Variants in MYO7B observed in about 807,000 individuals in gnomAD.
MYO7B encodes the protein unconventional myosin-VIIb.
MYO7B carries 212 observed loss-of-function variants against 259.7 expected under a neutral mutation model. That is an observed-to-expected ratio of 0.82 (90% confidence interval 0.73 to 0.91). The LOEUF (loss-of-function observed/expected upper bound fraction) is 0.91. Ranked by LOEUF, MYO7B falls within the 40% of genes least tolerant of loss-of-function variation. The pLI is 0.00. For missense variants in MYO7B, 2,732 were observed against 2,813.5 expected (o/e 0.97, Z 0.66); for synonymous variants, 1,197 against 1,166.4 (o/e 1.03, Z -0.54).
chr2:127,628,315 G>T lies in MYO7B; in HGVS notation c.4461-57G>T. On this transcript the variant is annotated intron_variant, in intron 33 of 47. Transcript: ENST00000409816. This position sits in a 1 kb window ranked among gnomAD's most constrained non-coding sequence, Gnocchi z 4.8. ...AACCCCACCTCCCGAGGCTGTTTAG[G>T]GGCTGGATCAGGGGAAGGTGGAGGG... The T allele has an allele frequency of 6.4e-7, 1 of 1,552,860 alleles. No homozygotes were observed.
intron 40 of MYO7B, 80 bp downstream of exon 40, chr2:127,633,443 C>T: frequency 7.1e-7 from 1 of 1,402,298 alleles, no homozygotes. Context: ...GCCCAGCCTG[C>T]TCCTTGGTAA....
chr2:127,602,312 A>T, intron 19 of MYO7B, among the ~76,000 whole-genome samples: 1 of 152,198 alleles, frequency 6.6e-6, no homozygotes, highest in South Asian at 2.1e-4. Flanking sequence ...TCTCATATGT[A>T]ATACAATTTT....
rs1681810013 is a variant in MYO7B, at chr2:127,636,416, G to T, written c.6123+92G>T. 6.9e-7 allele frequency: 1 copy of T among 1,445,566 alleles called. No homozygotes were observed. The highest frequency in any genetic ancestry group is 1.8e-5 in the Admixed American group (1 of 55,076). 89.5% of individuals were successfully genotyped at this position (1,445,566 alleles called of 1,614,324 possible). A position where few individuals can be genotyped will look rare whatever the true frequency, so the allele number is the denominator to read the frequency against. The stretch of plus-strand genomic sequence containing the variant: ...CCAGCGTCAACCAGCACACATCTTG[G>T]GTGGGGCTGGCCGTGAGGCTGGAGG... On this transcript the variant is annotated intron_variant, in intron 45 of 47. Coordinates refer to ENST00000409816, the MANE Select transcript of MYO7B (RefSeq NM_001393586.1). The surrounding 1 kb of genome is among the most constrained non-coding windows in gnomAD (Gnocchi z 4.5).
Position 127,609,982 on chromosome 2 carries a change from G to A in MYO7B, c.3158G>A (p.Gly1053Asp), listed in dbSNP as rs777028808. The A allele has an allele frequency of 1.8e-5, 29 of 1,608,794 alleles. No individual in the cohort carries two copies. Among genetic ancestry groups the A allele is most frequent in the Non-Finnish European group, 1.4e-5 (17 of 1,177,816 alleles). Residue 1053 changes from glycine (G) to aspartate (D), a missense_variant, in exon 24 of 48, where the codon GGT (glycine) becomes GAT (aspartate). Coordinates refer to ENST00000409816, the MANE Select transcript of MYO7B (RefSeq NM_001393586.1). This position sits in a 1 kb window ranked among gnomAD's most constrained non-coding sequence, Gnocchi z 6.9. ...CATGACACGCTGGGCAGGGAGCACG[G>A]TGCCCAGGTTCCACAGCACAGTAGA... ...QIHDTLGREH[G>D]AQVPQHSRSA...
intron 31 of MYO7B, 149 bp downstream of exon 31, chr2:127,625,684 C>A: frequency 1.1e-6 from 1 of 918,484 alleles, no homozygotes; most frequent in Non-Finnish European, 1.5e-6. Context: ...AAGTAGAGCC[C>A]TGTCCCTTCA....
At position 127,633,296 on chromosome 2, in the gene MYO7B, T is replaced by TGGAGGC. The variant is rs1681622374; in HGVS notation, c.5445_5450dup (p.Glu1816_Ala1817dup). On this transcript the variant is annotated inframe_insertion, in exon 40 of 48. Coordinates refer to ENST00000409816, the MANE Select transcript of MYO7B (RefSeq NM_001393586.1). Reference sequence around the variant, plus strand: ...AAGCAGCCCCCGCACCAGGTGGAGGTGGAGGCCGCAGAGCAGAACGTCTCC... The same window carrying TGGAGGC: ...AAGCAGCCCCCGCACCAGGTGGAGGTGGAGGCGGAGGCCGCAGAGCAGAACGTCTCC... 1 of 1,612,332 alleles carries TGGAGGC rather than the reference T, an allele frequency of 6.2e-7. No homozygotes were observed. The highest frequency in any genetic ancestry group is 8.5e-7 in the Non-Finnish European group (1 of 1,179,680).
intron 34 of MYO7B, among the ~76,000 whole-genome samples, chr2:127,629,408 G>T (rs995042069): frequency 6.6e-6 from 1 of 152,172 alleles, no homozygotes; most frequent in Non-Finnish European, 1.5e-5. Context: ...GGCTAGGGCT[G>T]CAGTCAGAGC....
chr2:127,616,813 T>C (rs1335529327), intron 26 of MYO7B, among the ~76,000 whole-genome samples: 1 of 152,172 alleles, frequency 6.6e-6, no homozygotes, highest in Non-Finnish European at 1.5e-5. Context: ...CCCCTTCTCA[T>C]TTCCCGACAG....
In MYO7B at chr2:127,590,589, T is replaced by C. The variant is rs760532017; in HGVS notation, c.1992+360T>C. 8.5e-5 allele frequency among the ~76,000 whole-genome samples: 13 copies of C among 152,230 alleles called. No homozygotes were observed. The highest frequency in any genetic ancestry group is 1.3e-4 in the Non-Finnish European group (9 of 68,042). On this transcript the variant is annotated intron_variant, in intron 16 of 47. Coordinates refer to ENST00000409816, the MANE Select transcript of MYO7B (RefSeq NM_001393586.1). The surrounding 1 kb of genome is among the most constrained non-coding windows in gnomAD (Gnocchi z 4.6). ...CATGAGGTTTGCAGTACATGTCCCATATGTAAACCACACTCAACAAAGGCA... is the reference window on the plus strand; with the variant it reads ...CATGAGGTTTGCAGTACATGTCCCACATGTAAACCACACTCAACAAAGGCA...
chr2:127,540,422 C>T (rs761206837), intron 1 of MYO7B, among the ~76,000 whole-genome samples: 1 of 152,172 alleles, frequency 6.6e-6, no homozygotes, highest in Non-Finnish European at 1.5e-5. Context: ...CCTCGGCCTC[C>T]CAGAGTGTTG....
chr2:127,626,247 A>G (rs1337595169), intron 31 of MYO7B: 6 of 152,320 alleles, frequency 3.9e-5, no homozygotes, highest in Admixed American at 1.3e-4. Context: ...AGAGACACAG[A>G]AGAGCTCCAG....
chr2:127,566,649 A>G lies in MYO7B; in HGVS notation c.292A>G (p.Thr98Ala). 2 of 1,585,472 alleles carry G rather than the reference A, an allele frequency of 1.3e-6. No individual in the cohort carries two copies. The highest frequency in any genetic ancestry group is 1.1e-5 in the South Asian group (1 of 87,292). The change falls in exon 5 of 48, where the codon ACA becomes GCA. Residue 98 changes from threonine to alanine, a missense_variant. Coordinates refer to ENST00000409816, the MANE Select transcript of MYO7B (RefSeq NM_001393586.1). ...RYQQHKIYTYTGSILVAVNPF... is the reference protein window; with the variant it reads ...RYQQHKIYTYAGSILVAVNPF... ...CCACCTGCTTCCTTCCCAGACATAC[A>G]CAGGCTCCATCCTGGTGGCCGTCAA...
intron 1 of MYO7B, among the ~76,000 whole-genome samples, chr2:127,550,743 A>C (rs1261086961): frequency 1.3e-5 from 2 of 151,766 alleles, no homozygotes; most frequent in African/African-American, 4.8e-5. Flanking sequence ...CCCAAGGAGG[A>C]GGAGGGTATG....
At chr2:127,616,929 G>A (rs762782017) in intron 26 of MYO7B, among the ~76,000 whole-genome samples, 7 of 152,184 alleles carry the variant, frequency 4.6e-5, no homozygotes, top group Non-Finnish European at 1.0e-4. Context: ...GAGGGGAACC[G>A]TGTTATAAGA....
intron 2 of MYO7B, among the ~76,000 whole-genome samples, chr2:127,563,154 T>C (rs949755104): frequency 2.0e-5 from 3 of 152,210 alleles, no homozygotes; most frequent in Admixed American, 2.0e-4. Flanking sequence ...TCTGACCTAC[T>C]CTTTGGTCAG....
Position 127,620,360 on chromosome 2 carries a change from TC to T in MYO7B, c.3420del (p.Cys1141AlafsTer34). The T allele has an allele frequency of 6.2e-7, 1 of 1,612,446 alleles. No individual in the cohort carries two copies. Among genetic ancestry groups the T allele is most frequent in the African/African-American group, 1.3e-5 (1 of 75,032 alleles). ...TTCAGGGATGAGATTTACTGCCAGA[TC>T]TGCAAGCAGCTCTCGGAGAACTTCA... ...PSLRDEIYCQICKQLSENFKT... is the reference protein window; with the variant it reads ...PSLRDEIYCQXCKQLSENFKT... On this transcript the variant is annotated frameshift_variant, in exon 27 of 48. Transcript: ENST00000409816. LOFTEE classifies it high-confidence loss of function.
intron 39 of MYO7B, 120 bp downstream of exon 39, chr2:127,632,521 T>A: frequency 7.6e-7 from 1 of 1,309,646 alleles, no homozygotes; most frequent in Non-Finnish European, 1.0e-6. Flanking sequence ...GAAGCCAGTG[T>A]CAGCTTGGCA....
At chr2:127,604,089 C>T (rs1004298068) in intron 19 of MYO7B, among the ~76,000 whole-genome samples, 1 of 152,084 alleles carries the variant, frequency 6.6e-6, no homozygotes, top group Middle Eastern at 3.2e-3. Context: ...GCTGAGATCA[C>T]GCCACTGCAC....
At chr2:127,633,506 TC>T in intron 40 of MYO7B, 143 bp downstream of exon 40, 1 of 791,208 alleles carries the variant, frequency 1.3e-6, no homozygotes, top group Admixed American at 2.6e-5. Context: ...TCCCGCCCTC[TC>T]CCCATGGGAT....
Sources: gnomAD v4.1 joint callset for allele counts (sites outside exome capture counted in the v4.1 genomes callset) on GRCh38, gnomAD v4.1.1 for gene constraint, Gnocchi (gnomAD v3.1) non-coding constraint, MANE v1.5 for transcripts, NCBI Gene and HGNC (gene_info 2026-07-23, HGNC 2026-07-21) for gene names.